The following DOCK4 variants were observed in gnomAD, a reference collection of about 807,000 sequenced individuals.
The protein encoded by DOCK4 is dedicator of cytokinesis 4.
DOCK4 carries 97 observed loss-of-function variants against 268.1 expected under a neutral mutation model. The ratio of observed to expected loss-of-function variants is 0.36; its 90% confidence interval spans 0.31 to 0.43. DOCK4 has a LOEUF of 0.43. Ranked by LOEUF, DOCK4 falls within the 20% of genes least tolerant of loss-of-function variation. The probability of loss-of-function intolerance (pLI) is 1.00; values close to 1 mark genes in which losing one functional copy is unlikely to be tolerated. For synonymous variants in DOCK4, 954 were observed against 887.2 expected, an observed-to-expected ratio of 1.08 and a Z score of -1.34; for missense variants, 2,145 against 2,455.7, an observed-to-expected ratio of 0.87 and a Z score of 2.67.
intron 1 of DOCK4, among the ~76,000 whole-genome samples, chr7:112,132,990 G>A (rs886436612): frequency 2.6e-5 from 4 of 152,128 alleles, no homozygotes; most frequent in African/African-American, 9.7e-5. Flanking sequence ...TGGTATTCAG[G>A]GCTCTTAAAA....
intron 1 of DOCK4, among the ~76,000 whole-genome samples, chr7:112,150,429 A>G (rs1209813586): frequency 1.3e-5 from 2 of 152,070 alleles, no homozygotes; most frequent in Non-Finnish European, 2.9e-5. Context: ...CATTCTGTCT[A>G]TGCCCCTCAT....
chr7:111,841,136 T>C (rs564533063), intron 25 of DOCK4, among the ~76,000 whole-genome samples: 2 of 149,488 alleles, frequency 1.3e-5, no homozygotes, highest in South Asian at 4.2e-4. Flanking sequence ...TTGAGATAAG[T>C]ACAACTATTT....
At chr7:111,894,839 A>G (rs941451837) in intron 16 of DOCK4, among the ~76,000 whole-genome samples, 6 of 152,160 alleles carry the variant, frequency 3.9e-5, no homozygotes, top group Admixed American at 2.0e-4. Flanking sequence ...CTGGGAAGTG[A>G]CATGGCTGGA....
chr7:112,088,969 A>T (rs1016104944), intron 1 of DOCK4, among the ~76,000 whole-genome samples: 1 of 152,140 alleles, frequency 6.6e-6, no homozygotes, highest in Non-Finnish European at 1.5e-5. Flanking sequence ...GCTTGTTTTT[A>T]TATGTTGTCA....
intron 16 of DOCK4, among the ~76,000 whole-genome samples, chr7:111,889,627 G>T (rs1319451710): frequency 6.6e-6 from 1 of 152,142 alleles, no homozygotes; most frequent in Non-Finnish European, 1.5e-5. Context: ...CCAAGTTAGG[G>T]ACTAGGATAT....
chr7:111,920,189 T>A (rs1273482454), intron 12 of DOCK4, among the ~76,000 whole-genome samples: 1 of 152,026 alleles, frequency 6.6e-6, no homozygotes, highest in South Asian at 2.1e-4. Context: ...GAAGTTTCAG[T>A]TGGACAAGAT....
intron 1 of DOCK4, among the ~76,000 whole-genome samples, chr7:112,058,024 A>ATTTTTTTTT (rs67991598): frequency 2.1e-4 from 24 of 115,048 alleles, no homozygotes; most frequent in African/African-American, 7.0e-4. Context: ...TACAGGTTCA[A>ATTTTTTTTT]TTTTTTTTTT....
At chr7:111,794,333 G>T (rs536605390) in intron 30 of DOCK4, among the ~76,000 whole-genome samples, 97 of 152,184 alleles carry the variant, frequency 6.4e-4, no homozygotes, top group Non-Finnish European at 1.2e-3. Flanking sequence ...CTGGTCTGGG[G>T]CTCGAGACAG....
intron 1 of DOCK4, among the ~76,000 whole-genome samples, chr7:112,174,963 C>CTTTGTT (rs1818380290): frequency 7.7e-6 from 1 of 129,856 alleles, no homozygotes; most frequent in African/African-American, 2.9e-5. Flanking sequence ...TTTTTTGAGA[C>CTTTGTT]AGAGTCTCAC....
chr7:111,873,811 G>T (rs1304554560), intron 17 of DOCK4, among the ~76,000 whole-genome samples: 2 of 152,036 alleles, frequency 1.3e-5, no homozygotes, highest in Non-Finnish European at 2.9e-5. Flanking sequence ...TACCAAACAG[G>T]AATGTTTATC....
At chr7:112,048,389 CAAA>C (rs59810546) in intron 1 of DOCK4, among the ~76,000 whole-genome samples, 2,149 of 72,078 alleles carry the variant, frequency 0.03, 49 homozygotes, top group African/African-American at 0.076. Context: ...ACTAAAAATA[CAAA>C]AAAAAAAAAA....
At chr7:111,790,750 T>A in intron 30 of DOCK4, 145 bp from the exon 31 acceptor site, 1 of 1,045,034 alleles carries the variant, frequency 9.6e-7, no homozygotes. Flanking sequence ...TAATAACCCA[T>A]GAGATACAAT....
chr7:111,957,168 T>C (rs1163294692), intron 8 of DOCK4, among the ~76,000 whole-genome samples: 1 of 152,154 alleles, frequency 6.6e-6, no homozygotes, highest in African/African-American at 2.4e-5. Context: ...AAGAAATCTT[T>C]GGTACTGAAA....
chr7:111,726,762 TTTA>T lies in DOCK4; in HGVS notation c.*1509_*1511del, dbSNP rs1459586466. 2.0e-5 allele frequency: 3 copies of T among 152,760 alleles called. No individual in the cohort carries two copies. Among genetic ancestry groups the T allele is most frequent in the Admixed American group, 1.3e-4 (2 of 15,306 alleles). The allele number at this position is 152,760 out of a possible 1,614,324, so 9.5% of individuals were successfully genotyped here. ...CATACTGCATCAACAACTGTTTGCGTTTATTTTTACTTTTTTTTACACATAATG... is the reference window on the plus strand; with the variant it reads ...CATACTGCATCAACAACTGTTTGCGTTTTTTACTTTTTTTTACACATAATG... On this transcript the variant is annotated 3_prime_UTR_variant, in exon 53 of 53. Coordinates refer to ENST00000428084, the MANE Select transcript of DOCK4 (RefSeq NM_001363540.2).
At chr7:112,111,240 C>T (rs1401755325) in intron 1 of DOCK4, among the ~76,000 whole-genome samples, 1 of 152,094 alleles carries the variant, frequency 6.6e-6, no homozygotes, top group African/African-American at 2.4e-5. Context: ...GGAAGAAAAG[C>T]CATCTCCAGT....
chr7:111,759,393 A>C (rs1157887552), intron 40 of DOCK4, among the ~76,000 whole-genome samples: 1 of 152,192 alleles, frequency 6.6e-6, no homozygotes, highest in Non-Finnish European at 1.5e-5. Flanking sequence ...AATTACATTA[A>C]AGGAGTATCA....
At position 111,728,329 on chromosome 7, in the gene DOCK4, C is replaced by T. The variant is rs774043230; in HGVS notation, c.5873G>A (p.Arg1958Lys). 1.7e-5 allele frequency: 26 copies of T among 1,517,502 alleles called. No individual in the cohort carries two copies. Among genetic ancestry groups the T allele is most frequent in the Admixed American group, 6.8e-5 (3 of 44,360 alleles). The allele number at this position is 1,517,502 out of a possible 1,614,324, so 94.0% of individuals were successfully genotyped here. A position where few individuals can be genotyped will look rare whatever the true frequency, so the allele number is the denominator to read the frequency against. ...CCTGGGCCGCGGGCCGGGGTCAGTCCTCCGGGCCCCATTCTCCAGGTGGCT... is the reference window on the plus strand; with the variant it reads ...CCTGGGCCGCGGGCCGGGGTCAGTCTTCCGGGCCCCATTCTCCAGGTGGCT... ...RSSHLENGAR[R>K]TDPGPRPRPL... is the part of the protein sequence containing the mutation. The change falls in exon 53 of 53, where the codon AGG becomes AAG. Residue 1958 changes from arginine to lysine, a missense_variant. Arg to Lys is a conservative substitution (Grantham distance 26). This residue lies in a region of DOCK4 where 547 missense variants were observed against 469.0 expected (regional missense o/e 1.17). Coordinates refer to ENST00000428084, the MANE Select transcript of DOCK4 (RefSeq NM_001363540.2).
At chr7:112,193,232 G>A (rs140370727) in intron 1 of DOCK4, among the ~76,000 whole-genome samples, 1 of 152,128 alleles carries the variant, frequency 6.6e-6, no homozygotes, top group African/African-American at 2.4e-5. Flanking sequence ...GACAATGTGA[G>A]CAACTTTGCA....
At chr7:111,905,210 G>T (rs1033622464) in intron 13 of DOCK4, among the ~76,000 whole-genome samples, 14 of 152,158 alleles carry the variant, frequency 9.2e-5, no homozygotes, top group African/African-American at 3.4e-4. Context: ...AGTCCAAATG[G>T]TGTTCAGAAA....
Sources: allele counts gnomAD v4.1 joint callset (sites outside exome capture counted in the v4.1 genomes callset), GRCh38; gene constraint gnomAD v4.1.1; regional missense constraint gnomAD v4.1.1; transcripts MANE v1.5; gene names NCBI Gene and HGNC (gene_info 2026-07-23, HGNC 2026-07-21).